Variants in VCF1 observed in about 807,000 individuals in gnomAD.
VCF1 encodes the protein protein VCF1.
chr17:73,212,764 A>C, the VCF1 span: 1 of 1,547,692 alleles, frequency 6.5e-7, no homozygotes, highest in South Asian at 1.2e-5. Flanking sequence ...CAAGAACTAC[A>C]ATCAGTTTCT....
At chr17:73,207,381 T>G in the VCF1 span, 2 of 923,222 alleles carry the variant, frequency 2.2e-6, no homozygotes, top group Non-Finnish European at 3.5e-6. Flanking sequence ...AATGCTGCTT[T>G]TAATGGCGGC....
the VCF1 span, among the ~76,000 whole-genome samples, chr17:73,219,033 A>G: frequency 1.3e-5 from 2 of 151,628 alleles, no homozygotes; most frequent in Non-Finnish European, 2.9e-5. Flanking sequence ...AAAAAAAAAT[A>G]CAAAAAATTA....
the VCF1 span, among the ~76,000 whole-genome samples, chr17:73,224,925 G>GACAGC: frequency 1.7e-5 from 2 of 121,100 alleles, no homozygotes; most frequent in African/African-American, 6.4e-5. Context: ...GACAGGACAG[G>GACAGC]ACAGGACAGC....
chr17:73,229,378 G>A, the VCF1 span: 1 of 985,348 alleles, frequency 1.0e-6, no homozygotes, highest in Non-Finnish European at 1.2e-6. Flanking sequence ...TACAATTTTT[G>A]GCATTAATGC....
At chr17:73,230,069 G>A in the VCF1 span, among the ~76,000 whole-genome samples, 1 of 151,982 alleles carries the variant, frequency 6.6e-6, no homozygotes, top group Non-Finnish European at 1.5e-5. Flanking sequence ...TGCCGAGGCG[G>A]GTGGATCCCT....
chr17:73,208,313 G>A, the VCF1 span: 3 of 1,613,448 alleles, frequency 1.9e-6, no homozygotes, highest in Non-Finnish European at 2.5e-6. Flanking sequence ...TCCAATGGCA[G>A]GTTGTCCCCC....
the VCF1 span, chr17:73,209,642 G>C: frequency 1.2e-5 from 18 of 1,557,864 alleles, no homozygotes; most frequent in South Asian, 1.9e-4. Flanking sequence ...GGCACGGGCT[G>C]AGGCGTGTTA....
the VCF1 span, chr17:73,227,041 T>C: frequency 5.6e-6 from 4 of 718,372 alleles, no homozygotes; most frequent in Admixed American, 3.6e-5. Flanking sequence ...ACAGAAAGGT[T>C]AAACCAGTAT....
the VCF1 span, chr17:73,207,627 G>A: frequency 8.9e-7 from 1 of 1,129,630 alleles, no homozygotes; most frequent in Non-Finnish European, 1.2e-6. Context: ...TTCCCTTTTA[G>A]TTGGGTGGGA....
the VCF1 span, chr17:73,227,802 A>C: frequency 2.0e-4 from 55 of 269,780 alleles, 1 homozygote; most frequent in East Asian, 6.2e-3. Flanking sequence ...GATTGTTACT[A>C]TGAGATGATA....
At chr17:73,222,776 C>CA in the VCF1 span, among the ~76,000 whole-genome samples, 123 of 117,858 alleles carry the variant, frequency 1.0e-3, 2 homozygotes, top group South Asian at 4.1e-3. Context: ...AACTCTGTCT[C>CA]AAAAAAAAAA....
the VCF1 span, among the ~76,000 whole-genome samples, chr17:73,212,137 GTTA>G: frequency 6.6e-6 from 1 of 152,148 alleles, no homozygotes; most frequent in Non-Finnish European, 1.5e-5. Context: ...TTGCAATGTG[GTTA>G]TTATGTATTT....
At chr17:73,224,914 G>GCACA in the VCF1 span, among the ~76,000 whole-genome samples, 20 of 149,986 alleles carry the variant, frequency 1.3e-4, no homozygotes, top group African/African-American at 4.4e-4. Context: ...GGACAGGACA[G>GCACA]GACAGGACAG....
At chr17:73,221,497 A>G in the VCF1 span, among the ~76,000 whole-genome samples, 1 of 147,226 alleles carries the variant, frequency 6.8e-6, no homozygotes, top group Non-Finnish European at 1.5e-5. Flanking sequence ...TGATAGAAAA[A>G]AATTGATAAA....
chr17:73,210,201 T>G, the VCF1 span, among the ~76,000 whole-genome samples: 1 of 152,194 alleles, frequency 6.6e-6, no homozygotes, highest in Non-Finnish European at 1.5e-5. Flanking sequence ...ACAAATAAGA[T>G]GGCTTCTGGG....
chr17:73,212,655 A>T, the VCF1 span: 1 of 1,578,378 alleles, frequency 6.3e-7, no homozygotes, highest in Admixed American at 1.8e-5. Context: ...CAAACAGGTC[A>T]CTACACTCAA....
chr17:73,208,380 G>A, the VCF1 span: 10 of 1,614,196 alleles, frequency 6.2e-6, no homozygotes, highest in Non-Finnish European at 8.5e-6. Context: ...CAGACAGCTT[G>A]TCAGTGAAGA....
At chr17:73,215,995 G>A in the VCF1 span, among the ~76,000 whole-genome samples, 4 of 152,128 alleles carry the variant, frequency 2.6e-5, no homozygotes, top group Admixed American at 1.3e-4. Flanking sequence ...GAGTGAGAGG[G>A]AAACTGCACA....
chr17:73,229,346 C>T, the VCF1 span: 1 of 985,338 alleles, frequency 1.0e-6, no homozygotes, highest in Non-Finnish European at 1.2e-6. Flanking sequence ...ATGCTCATCC[C>T]TATCAGTTCA....
Sources: gnomAD v4.1 joint callset for allele counts (sites outside exome capture counted in the v4.1 genomes callset) on GRCh38, gnomAD v4.1.1 for gene constraint, MANE v1.5 for transcripts, NCBI Gene and HGNC (gene_info 2026-07-23, HGNC 2026-07-21) for gene names.